The following UNC13C variants were observed in gnomAD, a reference collection of about 807,000 sequenced individuals.
The protein encoded by UNC13C is unc-13 homolog C.
UNC13C carries 174 observed loss-of-function variants against 245.4 expected under a neutral mutation model. The ratio of observed to expected loss-of-function variants is 0.71; its 90% CI spans 0.63 to 0.80. The LOEUF (loss-of-function observed/expected upper bound fraction) is 0.80, where lower values mean the gene tolerates loss of function less well. UNC13C is among the 30% of genes least tolerant of loss of function. The pLI is 0.00. For missense variants in UNC13C, 2,829 were observed against 2,602.9 expected (o/e 1.09, Z -1.89); for synonymous variants, 992 against 895.1 (o/e 1.11, Z -1.93).
At chr15:54,182,079 G>A (rs1204858391) in intron 4 of UNC13C, among the ~76,000 whole-genome samples, 1 of 152,018 alleles carries the variant, frequency 6.6e-6, no homozygotes, top group East Asian at 1.9e-4. Flanking sequence ...TGTTGAATAG[G>A]AGTGGTTAGA....
At chr15:54,160,239 T>A (rs1289303544) in intron 4 of UNC13C, among the ~76,000 whole-genome samples, 1 of 151,558 alleles carries the variant, frequency 6.6e-6, no homozygotes, top group African/African-American at 2.4e-5. Context: ...TTAGTGAGGA[T>A]CTAGGTCATG....
Position 54,622,433 on chromosome 15 carries a change from C to G in UNC13C, c.6199+14C>G. 6.3e-7 allele frequency: 1 copy of G among 1,589,216 alleles called. No homozygotes were observed. The highest frequency in any genetic ancestry group is 8.6e-7 in the Non-Finnish European group (1 of 1,157,790). On this transcript the variant is annotated intron_variant, in intron 31 of 32. Transcript: ENST00000260323. The stretch of plus-strand genomic sequence containing the variant: ...TCACTGTAAAAGGTATACTTCTGGT[C>G]TAGATAAATCAAAACAGCCTTCTAA...
At chr15:53,888,108 A>C in the UNC13C span, among the ~76,000 whole-genome samples, 1 of 152,204 alleles carries the variant, frequency 6.6e-6, no homozygotes, top group Non-Finnish European at 1.5e-5. Flanking sequence ...TTCTAGTTCT[A>C]GGTCCTTGAG....
chr15:53,978,294 C>G (rs1250341695), upstream of UNC13C, among the ~76,000 whole-genome samples: 3 of 152,082 alleles, frequency 2.0e-5, no homozygotes, highest in African/African-American at 7.2e-5. Context: ...TGGTGAAGGC[C>G]ACACCTGGCA....
At chr15:54,257,213 A>G (rs890627599) in intron 8 of UNC13C, among the ~76,000 whole-genome samples, 2 of 152,346 alleles carry the variant, frequency 1.3e-5, no homozygotes, top group African/African-American at 4.8e-5. Flanking sequence ...TCCTCCTGCC[A>G]TCACTCTCTT....
chr15:54,367,494 A>G (rs1424053616), intron 17 of UNC13C, among the ~76,000 whole-genome samples: 1 of 152,164 alleles, frequency 6.6e-6, no homozygotes. Flanking sequence ...GGCTCTTTGA[A>G]GGGAGGATCT....
At chr15:53,976,477 C>CTTTTTTTTT (rs10682648), upstream of UNC13C, among the ~76,000 whole-genome samples, 58 of 63,004 alleles carry the variant, frequency 9.2e-4, 3 homozygotes, top group African/African-American at 2.2e-3. Flanking sequence ...CTCTCTCTCT[C>CTTTTTTTTT]TTTTTTTTTT....
Position 54,501,048 on chromosome 15 carries a change from G to T in UNC13C, c.5301+70G>T. 3.3e-6 allele frequency: 5 copies of T among 1,512,918 alleles called. No individual in the cohort carries two copies. The East Asian group carries it at 6.8e-5, about 21-fold the overall frequency. The allele number at this position is 1,512,918 out of a possible 1,614,324, so 93.7% of individuals were successfully genotyped here. A position where few individuals can be genotyped will look rare whatever the true frequency, so the allele number is the denominator to read the frequency against. On this transcript the variant is annotated intron_variant, in intron 22 of 32. Coordinates refer to ENST00000260323, the MANE Select transcript of UNC13C (RefSeq NM_001080534.3). Reference sequence around the variant, plus strand: ...AATCTGAAAAATGCTATTGTTTTGTGGTGTTAGTCTTCTCTGTCACCCCAT... The same window carrying T: ...AATCTGAAAAATGCTATTGTTTTGTTGTGTTAGTCTTCTCTGTCACCCCAT...
intron 1 of UNC13C, among the ~76,000 whole-genome samples, chr15:53,994,091 A>G (rs1050579333): frequency 1.3e-5 from 2 of 151,912 alleles, no homozygotes; most frequent in Non-Finnish European, 2.9e-5. Context: ...TATTAGCTGT[A>G]TCTTTTGTGA....
intron 12 of UNC13C, among the ~76,000 whole-genome samples, chr15:54,298,384 A>G (rs1253467140): frequency 6.6e-6 from 1 of 152,198 alleles, no homozygotes; most frequent in Non-Finnish European, 1.5e-5. Context: ...TTAGGACTCT[A>G]TTTATAACTA....
chr15:54,078,551 T>C (rs1311816280), intron 2 of UNC13C, among the ~76,000 whole-genome samples: 10 of 152,148 alleles, frequency 6.6e-5, no homozygotes. Flanking sequence ...TTCATTGTAG[T>C]TTTTATTTGC....
chr15:54,344,368 A>T (rs924419647), intron 17 of UNC13C, among the ~76,000 whole-genome samples: 1 of 152,240 alleles, frequency 6.6e-6, no homozygotes, highest in Non-Finnish European at 1.5e-5. Flanking sequence ...ATTATGTCAC[A>T]TCAAAATAAT....
chr15:53,922,522 C>T, the UNC13C span, among the ~76,000 whole-genome samples: 3 of 152,150 alleles, frequency 2.0e-5, no homozygotes, highest in African/African-American at 2.4e-5. Flanking sequence ...CTTGGTCTTT[C>T]GTACTTACCT....
intron 4 of UNC13C, among the ~76,000 whole-genome samples, chr15:54,156,347 GA>G (rs1330772466): frequency 1.3e-5 from 2 of 152,136 alleles, no homozygotes; most frequent in Non-Finnish European, 2.9e-5. Context: ...TGCCAGGTAG[GA>G]AAGGCCAAAC....
intron 19 of UNC13C, among the ~76,000 whole-genome samples, chr15:54,438,865 C>T (rs940032464): frequency 2.0e-5 from 3 of 151,886 alleles, no homozygotes; most frequent in Non-Finnish European, 4.4e-5. Flanking sequence ...TAAGTTCTTC[C>T]CTCACCTTTA....
the UNC13C span, among the ~76,000 whole-genome samples, chr15:53,869,590 C>A: frequency 3.3e-5 from 5 of 152,168 alleles, no homozygotes; most frequent in Admixed American, 6.5e-5. Context: ...TTCTTACATG[C>A]GGGGGCTGTC....
intron 30 of UNC13C, among the ~76,000 whole-genome samples, chr15:54,605,784 G>A (rs181958465): frequency 2.1e-3 from 324 of 152,292 alleles, no homozygotes; most frequent in Non-Finnish European, 3.6e-3. Context: ...TGTATTGCTC[G>A]ATCGCTTAAA....
chr15:54,114,215 T>C (rs1173959070), intron 2 of UNC13C, among the ~76,000 whole-genome samples: 2 of 152,208 alleles, frequency 1.3e-5, no homozygotes. Flanking sequence ...ATGATCCCAA[T>C]AGCCTGCCAC....
At chr15:54,304,693 T>C (rs2037681333) in intron 13 of UNC13C, among the ~76,000 whole-genome samples, 1 of 150,284 alleles carries the variant, frequency 6.7e-6, no homozygotes, top group Non-Finnish European at 1.5e-5. Flanking sequence ...ATCTTGTCCC[T>C]GTTGCAGTAG....
Sources: gnomAD v4.1 joint callset for allele counts (sites outside exome capture counted in the v4.1 genomes callset) on GRCh38, gnomAD v4.1.1 for gene constraint, MANE v1.5 for transcripts, NCBI Gene and HGNC (gene_info 2026-07-23, HGNC 2026-07-21) for gene names.